NEXMIF: variants seen among roughly 807,000 people sequenced by gnomAD.
NEXMIF encodes the protein XLMR protein related to neurite extension.
NEXMIF carries 8 observed loss-of-function variants against 62.1 expected under a neutral mutation model. That is an observed-to-expected ratio of 0.13 (90% CI 0.08 to 0.23). The LOEUF is 0.23. Among genes scored for constraint, NEXMIF ranks in the 10% least tolerant of loss-of-function variants. NEXMIF has a pLI of 1.00. For synonymous variants in NEXMIF, 404 were observed against 416.6 expected, an observed-to-expected ratio of 0.97 and a Z score of 0.37; for missense variants, 976 against 1,113.3, an observed-to-expected ratio of 0.88 and a Z score of 1.75.
At position 74,884,692 on chromosome X, in the gene NEXMIF, T is replaced by C. The variant is rs2080683233; in HGVS notation, c.-48+40191A>G. ...AGTGACTTAGACTCCCACACAATAATAATGGGAGATTTTAACACCCCACTG... is the reference window on the plus strand; with the variant it reads ...AGTGACTTAGACTCCCACACAATAACAATGGGAGATTTTAACACCCCACTG... On this transcript the variant is annotated intron_variant, in intron 1 of 3. Coordinates refer to ENST00000055682, the MANE Select transcript of NEXMIF (RefSeq NM_001008537.3). Among the ~76,000 whole-genome samples, 3 of 111,319 alleles carry C rather than the reference T, an allele frequency of 2.7e-5. 1 individual carries two copies. The Middle Eastern group carries it at 0.014, about 508-fold the overall frequency.
chrX:74,886,252 C>T (rs1360004616), intron 1 of NEXMIF, among the ~76,000 whole-genome samples: 1 of 111,539 alleles, frequency 9.0e-6, no homozygotes, highest in African/African-American at 3.3e-5. Context: ...ACAGGGATGC[C>T]CTCTCTCACC....
At chrX:74,791,909 C>T (rs1254474981) in intron 1 of NEXMIF, among the ~76,000 whole-genome samples, 1 of 110,900 alleles carries the variant, frequency 9.0e-6, no homozygotes, top group East Asian at 2.8e-4. Flanking sequence ...TTTTGTTGAT[C>T]CTTTCAAAAA....
At chrX:74,859,138 G>T (rs186076445) in intron 1 of NEXMIF, among the ~76,000 whole-genome samples, 170 of 111,162 alleles carry the variant, frequency 1.5e-3, no homozygotes, top group African/African-American at 5.3e-3. Flanking sequence ...AACAGAGAAA[G>T]ATATCACCAT....
intron 1 of NEXMIF, among the ~76,000 whole-genome samples, chrX:74,889,066 A>G (rs2080708131): frequency 8.9e-6 from 1 of 112,033 alleles, no homozygotes; most frequent in African/African-American, 3.2e-5. Context: ...ATGGATGTGA[A>G]AATACCTTGA....
intron 1 of NEXMIF, among the ~76,000 whole-genome samples, chrX:74,910,784 G>A (rs909816205): frequency 1.8e-5 from 2 of 111,158 alleles, no homozygotes; most frequent in Non-Finnish European, 3.8e-5. Context: ...ATACTGTTGT[G>A]GTGGTAGTGA....
In NEXMIF at chrX:74,742,486, A is replaced by G; in HGVS notation, c.2071T>C (p.Leu691=). 8.3e-7 allele frequency: 1 copy of G among 1,210,111 alleles called. No individual in the cohort carries two copies. The change falls in exon 3 of 4, where the codon TTA becomes CTA. Residue 691 remains leucine, a synonymous_variant. Coordinates refer to ENST00000055682, the MANE Select transcript of NEXMIF (RefSeq NM_001008537.3). ...GAGTCAGGGCCTGTGATGTCATTTA[A>G]ATGTGATCCATTTGCACAGCTAGGA... ...GAPSCANGSH[L]NDITGPDSVK... is the part of the protein sequence containing the mutation.
chrX:74,882,487 C>T (rs1327516053), intron 1 of NEXMIF, among the ~76,000 whole-genome samples: 1 of 112,219 alleles, frequency 8.9e-6, no homozygotes, highest in East Asian at 2.8e-4. Flanking sequence ...AAACAGCACA[C>T]CAGGAGATTA....
chrX:74,757,406 A>T (rs1394294741), intron 1 of NEXMIF, among the ~76,000 whole-genome samples: 2 of 111,971 alleles, frequency 1.8e-5, no homozygotes, highest in African/African-American at 6.5e-5. Flanking sequence ...TCAATTCATC[A>T]GTGATCCAAG....
intron 1 of NEXMIF, 26 bp from the exon 2 acceptor site, chrX:74,745,723 A>T: frequency 1.5e-6 from 1 of 660,287 alleles, no homozygotes; most frequent in Non-Finnish European, 2.4e-6. Flanking sequence ...ATATAATATC[A>T]GTCATTAAAT....
intron 1 of NEXMIF, among the ~76,000 whole-genome samples, chrX:74,826,706 T>C (rs185386910): frequency 3.2e-3 from 355 of 111,417 alleles, no homozygotes; most frequent in Middle Eastern, 4.6e-3. Context: ...TGTATTGTAG[T>C]TTCCCCCTGT....
rs1191815439 is a variant in NEXMIF, at chrX:74,737,896, GACA to G, written c.*1506_*1508del. 1 of 110,734 alleles carries G rather than the reference GACA, an allele frequency of 9.0e-6. No individual in the cohort carries two copies. Among genetic ancestry groups the G allele is most frequent in the South Asian group, 3.8e-4 (1 of 2,622 alleles). 9.1% of individuals were successfully genotyped at this position (110,734 alleles called of 1,213,427 possible). ...CAATATTAATAAGAATAGTAACAACGACAACAACTAACAATATTAATAATATTA... is the reference window on the plus strand; with the variant it reads ...CAATATTAATAAGAATAGTAACAACGACAACTAACAATATTAATAATATTA... On this transcript the variant is annotated 3_prime_UTR_variant, in exon 4 of 4. Coordinates refer to ENST00000055682, the MANE Select transcript of NEXMIF (RefSeq NM_001008537.3).
In NEXMIF at chrX:74,834,818, C is replaced by CCTT. The variant is rs753355806; in HGVS notation, c.-47-89124_-47-89122dup. On this transcript the variant is annotated intron_variant, in intron 1 of 3. Transcript: ENST00000055682. ...GTTAAAGCTGCTTAGTGTTCTATAA[C>CCTT]CTTGTACCTGAATGCTGATATATTT... Among the ~76,000 whole-genome samples, 375 of 111,413 alleles carry CCTT rather than the reference C, an allele frequency of 3.4e-3. 2 individuals are homozygous for CCTT. Among genetic ancestry groups the CCTT allele is most frequent in the African/African-American group, 0.012 (357 of 30,690 alleles).
intron 1 of NEXMIF, among the ~76,000 whole-genome samples, chrX:74,918,992 A>C (rs2080817144): frequency 8.9e-6 from 1 of 112,632 alleles, no homozygotes; most frequent in Non-Finnish European, 1.9e-5. Context: ...ACTATTTGAA[A>C]TAGAAAGTTG....
chrX:74,752,965 C>T, intron 1 of NEXMIF, among the ~76,000 whole-genome samples: 1 of 111,339 alleles, frequency 9.0e-6, no homozygotes. Context: ...GAGAGATCAA[C>T]CTGGAAGACC....
At chrX:74,801,328 A>T (rs1320720502) in intron 1 of NEXMIF, among the ~76,000 whole-genome samples, 1 of 112,107 alleles carries the variant, frequency 8.9e-6, no homozygotes, top group African/African-American at 3.2e-5. Flanking sequence ...ATTTGGATAA[A>T]TACAAGTAGC....
chrX:74,746,913 T>G (rs940173231), intron 1 of NEXMIF, among the ~76,000 whole-genome samples: 1 of 112,341 alleles, frequency 8.9e-6, no homozygotes, highest in Non-Finnish European at 1.9e-5. Context: ...AAAGAGAAAA[T>G]ATATGCTTAC....
At chrX:74,793,336 G>A (rs1247659806) in intron 1 of NEXMIF, among the ~76,000 whole-genome samples, 13 of 108,904 alleles carry the variant, frequency 1.2e-4, no homozygotes, top group African/African-American at 2.3e-4. Flanking sequence ...GGTTTCTGCC[G>A]AGAGATCCGC....
chrX:74,924,583 G>C (rs1022866622), intron 1 of NEXMIF, among the ~76,000 whole-genome samples: 1 of 113,419 alleles, frequency 8.8e-6, no homozygotes, highest in Non-Finnish European at 1.9e-5. Context: ...GTGTAAGCGC[G>C]GCGGCTCCGG....
intron 1 of NEXMIF, among the ~76,000 whole-genome samples, chrX:74,818,902 G>A (rs544422820): frequency 1.8e-5 from 2 of 111,619 alleles, no homozygotes; most frequent in South Asian, 7.6e-4. Flanking sequence ...ACCACAATGA[G>A]ATACCCTCTC....
Sources: gnomAD v4.1 joint callset for allele counts (sites outside exome capture counted in the v4.1 genomes callset) on GRCh38, gnomAD v4.1.1 for gene constraint, MANE v1.5 for transcripts, NCBI Gene and HGNC (gene_info 2026-07-23, HGNC 2026-07-21) for gene names.